The following LPP variants were observed in gnomAD, a reference collection of about 807,000 sequenced individuals.
LPP encodes the protein lipoma-preferred partner.
A neutral mutation model predicts 60.4 loss-of-function variants in LPP; 38 were observed. The ratio of observed to expected loss-of-function variants is 0.63; its 90% CI spans 0.49 to 0.83. The LOEUF (loss-of-function observed/expected upper bound fraction) is 0.83. LPP is among the 40% of genes least tolerant of loss of function. LPP has a pLI of 0.00. For missense variants in LPP, 902 were observed against 783.6 expected (o/e 1.15, Z -1.80); for synonymous variants, 328 against 290.8 (o/e 1.13, Z -1.30).
At chr3:188,506,755 A>T (rs1320079526) in intron 5 of LPP, among the ~76,000 whole-genome samples, 1 of 152,188 alleles carries the variant, frequency 6.6e-6, no homozygotes, top group Non-Finnish European at 1.5e-5. Context: ...TGAAGGCAGG[A>T]TCACAACCCA....
At chr3:188,261,567 G>A (rs969393154) in intron 2 of LPP, among the ~76,000 whole-genome samples, 1 of 152,104 alleles carries the variant, frequency 6.6e-6, no homozygotes, top group Non-Finnish European at 1.5e-5. Context: ...TTAAAGAAGT[G>A]ACTGTTATAT....
In LPP at chr3:188,785,576, A is replaced by ACCCACACATC. The variant is rs1412465618; in HGVS notation, c.1410+25297_1410+25306dup. Among the ~76,000 whole-genome samples the ACCCACACATC allele has an allele frequency of 1.7e-3, 246 of 143,438 alleles. 7 individuals carry two copies. Among genetic ancestry groups the ACCCACACATC allele is most frequent in the Non-Finnish European group, 2.0e-3 (132 of 66,268 alleles). The allele number at this position is 143,438 out of a possible 152,430, so 94.1% of individuals were successfully genotyped here. On this transcript the variant is annotated intron_variant, in intron 9 of 11. Transcript: ENST00000617246. The stretch of plus-strand genomic sequence containing the variant: ...CACACACACACACACACACACACAT[A>ACCCACACATC]CCCACACATCCCAGTTTCTTTATCC...
intron 2 of LPP, among the ~76,000 whole-genome samples, chr3:188,297,935 G>C (rs1748490610): frequency 6.6e-6 from 1 of 152,138 alleles, no homozygotes. Flanking sequence ...TTTGAATTGG[G>C]AGCCTATGAC....
intron 6 of LPP, among the ~76,000 whole-genome samples, chr3:188,533,550 G>A (rs1033123703): frequency 2.6e-5 from 4 of 152,198 alleles, no homozygotes; most frequent in Non-Finnish European, 5.9e-5. Context: ...ATTTGTCTAT[G>A]TATTGGCATT....
intron 1 of LPP, among the ~76,000 whole-genome samples, chr3:188,221,249 C>T (rs567382904): frequency 5.9e-5 from 9 of 152,298 alleles, no homozygotes; most frequent in African/African-American, 1.7e-4. Flanking sequence ...CCGTGGAAAT[C>T]CTCTTGGGTG....
At chr3:188,188,339 G>A (rs1303447329) in intron 1 of LPP, among the ~76,000 whole-genome samples, 1 of 152,184 alleles carries the variant, frequency 6.6e-6, no homozygotes, top group Non-Finnish European at 1.5e-5. Flanking sequence ...GCTTTTGGAA[G>A]ATATAATGTA....
At chr3:188,205,030 C>CT (rs1205969944) in intron 1 of LPP, among the ~76,000 whole-genome samples, 2 of 152,082 alleles carry the variant, frequency 1.3e-5, no homozygotes, top group Admixed American at 6.6e-5. Context: ...TATTGGGCAC[C>CT]TTTTTTGCCC....
At chr3:188,199,652 A>G (rs963385446) in intron 1 of LPP, among the ~76,000 whole-genome samples, 3 of 151,772 alleles carry the variant, frequency 2.0e-5, no homozygotes, top group Non-Finnish European at 2.9e-5. Context: ...AGTTTGTGTA[A>G]CTCTGATTTG....
At chr3:188,562,432 A>C (rs1040618481) in intron 6 of LPP, 3 of 152,052 alleles carry the variant, frequency 2.0e-5, no homozygotes, top group African/African-American at 7.2e-5. Flanking sequence ...TGCCTACTGA[A>C]GTCAATCCTA....
At chr3:188,353,753 T>G (rs1419511496) in intron 3 of LPP, among the ~76,000 whole-genome samples, 1 of 152,228 alleles carries the variant, frequency 6.6e-6, no homozygotes, top group Admixed American at 6.5e-5. Flanking sequence ...ATGCTTTGGG[T>G]AACACTTTAG....
rs1482878858 is a variant in LPP at position 188,406,310 on chromosome 3, G to A, written c.190G>A (p.Glu64Lys). 1 of 1,613,558 alleles carries A rather than the reference G, an allele frequency of 6.2e-7. No homozygotes were observed. The highest frequency in any genetic ancestry group is 8.5e-7 in the Non-Finnish European group (1 of 1,179,688). ...CAACCCATACAAACAACCTGGAGGT[G>A]AGGGTAAGTGCTGGGATTTCAGAGT... Reference protein sequence around the residue: ...KYNPYKQPGGEGDFLPPPPPP... With the variant: ...KYNPYKQPGGKGDFLPPPPPP... The change falls in exon 4 of 12, where the codon GAG (glutamate) becomes AAG (lysine). Residue 64 changes from glutamate to lysine, a missense_variant. Transcript: ENST00000617246.
At chr3:188,698,473 A>T (rs1391773002) in intron 7 of LPP, among the ~76,000 whole-genome samples, 1 of 147,362 alleles carries the variant, frequency 6.8e-6, no homozygotes, top group East Asian at 2.0e-4. Flanking sequence ...ACAAATAGAG[A>T]TCTTCTCACC....
chr3:188,179,094 CAG>C (rs151265768), intron 1 of LPP: 8,579 of 258,590 alleles, frequency 0.033, 1 homozygote, highest in South Asian at 0.058. Flanking sequence ...GGGAGAGAGA[CAG>C]AGAGAGAGAG....
At chr3:188,692,036 GATGCTT>G (rs1471615753) in intron 7 of LPP, among the ~76,000 whole-genome samples, 5 of 152,086 alleles carry the variant, frequency 3.3e-5, no homozygotes, top group Non-Finnish European at 5.9e-5. Context: ...CTTCCTTCAT[GATGCTT>G]GCCCCTAGAG....
chr3:188,496,070 T>G (rs1415635914), intron 5 of LPP, among the ~76,000 whole-genome samples: 1 of 152,188 alleles, frequency 6.6e-6, no homozygotes, highest in African/African-American at 2.4e-5. Context: ...ATTTTATCAT[T>G]AACTTCTGTG....
rs114206098 is a variant in LPP at position 188,229,839 on chromosome 3, A to G, written c.-67+4312A>G. On this transcript the variant is annotated intron_variant, in intron 2 of 11. Coordinates refer to ENST00000617246, the MANE Select transcript of LPP (RefSeq NM_001375462.1). Reference sequence around the variant, plus strand: ...GATCCGAATTCTCAGGTCTTCCTCAATGAGTTGCTGTGTGGTAGACAGCAT... The same window carrying G: ...GATCCGAATTCTCAGGTCTTCCTCAGTGAGTTGCTGTGTGGTAGACAGCAT... Among the ~76,000 whole-genome samples the G allele has an allele frequency of 4.3e-3, 654 of 152,246 alleles. 11 individuals are homozygous for G. The highest frequency in any genetic ancestry group is 0.015 in the African/African-American group (616 of 41,548).
chr3:188,763,486 AT>A (rs1733083176), intron 9 of LPP, among the ~76,000 whole-genome samples: 1 of 152,206 alleles, frequency 6.6e-6, no homozygotes, highest in East Asian at 1.9e-4. Flanking sequence ...TGGTTCAATG[AT>A]TTTTAATATT....
At chr3:188,655,353 G>A (rs1021595908) in intron 7 of LPP, among the ~76,000 whole-genome samples, 2 of 152,052 alleles carry the variant, frequency 1.3e-5, no homozygotes, top group Non-Finnish European at 1.5e-5. Flanking sequence ...ATGAGGGAAA[G>A]GACATCAGAA....
intron 7 of LPP, among the ~76,000 whole-genome samples, chr3:188,650,246 T>G (rs1580694862): frequency 6.6e-6 from 1 of 152,106 alleles, no homozygotes; most frequent in Admixed American, 6.5e-5. Context: ...ATAGATGAGT[T>G]AAAGAAAAAA....
Sources: allele counts gnomAD v4.1 joint callset (sites outside exome capture counted in the v4.1 genomes callset), GRCh38; gene constraint gnomAD v4.1.1; transcripts MANE v1.5; gene names NCBI Gene and HGNC (gene_info 2026-07-23, HGNC 2026-07-21).